Variants in MCHR2 observed in about 807,000 individuals in gnomAD.
MCHR2 encodes melanin-concentrating hormone receptor 2.
Under a neutral mutation model 24.8 loss-of-function variants are expected in MCHR2, and 15 were observed. The observed-to-expected ratio is 0.60, with a 90% CI of 0.40 to 0.93. MCHR2 has a LOEUF of 0.93. MCHR2 is among the 40% of genes least tolerant of loss of function. The pLI is 0.00. For missense variants in MCHR2, 386 were observed against 408.7 expected (o/e 0.94, Z 0.48); for synonymous variants, 151 against 147.6 (o/e 1.02, Z -0.17).
At chr6:99,937,340 A>C (rs1260615713) in intron 4 of MCHR2, among the ~76,000 whole-genome samples, 1 of 151,886 alleles carries the variant, frequency 6.6e-6, no homozygotes, top group Non-Finnish European at 1.5e-5. Context: ...ATTAGCTGTA[A>C]GTATGTCATG....
At chr6:99,935,877 G>A (rs2114508809) in intron 4 of MCHR2, among the ~76,000 whole-genome samples, 1 of 151,386 alleles carries the variant, frequency 6.6e-6, no homozygotes, top group African/African-American at 2.4e-5. Context: ...CTGTTTTTTT[G>A]GTAAAAGCTA....
intron 1 of MCHR2, among the ~76,000 whole-genome samples, chr6:99,976,779 G>A (rs1000282309): frequency 6.6e-6 from 1 of 152,230 alleles, no homozygotes; most frequent in African/African-American, 2.4e-5. Flanking sequence ...CATAGGGACT[G>A]CCTAAGCCTT....
intron 4 of MCHR2, among the ~76,000 whole-genome samples, chr6:99,939,503 G>A (rs1368303856): frequency 6.6e-6 from 1 of 151,940 alleles, no homozygotes; most frequent in East Asian, 1.9e-4. Flanking sequence ...AGTTGTCTCA[G>A]TTTACGTATT....
intron 1 of MCHR2, among the ~76,000 whole-genome samples, chr6:99,959,464 C>A (rs1326026729): frequency 6.6e-6 from 1 of 150,796 alleles, no homozygotes; most frequent in Non-Finnish European, 1.5e-5. Context: ...TGCAAAGTTA[C>A]AAGGAAAACA....
At chr6:99,976,563 G>A (rs1775555473) in intron 1 of MCHR2, among the ~76,000 whole-genome samples, 1 of 152,182 alleles carries the variant, frequency 6.6e-6, no homozygotes, top group Non-Finnish European at 1.5e-5. Flanking sequence ...TATGGCTTTG[G>A]TCAAGCTACT....
At chr6:99,945,132 C>A (rs940452762) in intron 3 of MCHR2, among the ~76,000 whole-genome samples, 2 of 152,156 alleles carry the variant, frequency 1.3e-5, no homozygotes, top group Non-Finnish European at 2.9e-5. Flanking sequence ...TATACAATTA[C>A]TTGTGGGACT....
rs187650383 is a variant in MCHR2, at chr6:99,926,880, C to T, written c.708-5625G>A. On this transcript the variant is annotated intron_variant, in intron 5 of 5. Transcript: ENST00000281806. The stretch of plus-strand genomic sequence containing the variant: ...TCAATTTTGGCTTTTGTTGCCATTG[C>T]TTTTGGTGTTTTAGACATGAAGTCC... Among the ~76,000 whole-genome samples the T allele has an allele frequency of 8.4e-3, 1,275 of 152,216 alleles. 15 individuals are homozygous for T. The highest frequency in any genetic ancestry group is 0.029 in the African/African-American group (1,203 of 41,516).
chr6:99,956,214 C>A (rs1319910922), intron 1 of MCHR2, 40 bp from the exon 2 acceptor site: 2 of 1,334,112 alleles, frequency 1.5e-6, no homozygotes, highest in Admixed American at 2.3e-5. Context: ...GTGAACATTC[C>A]CTCAATATAA....
chr6:99,956,482 G>A (rs967245406), intron 1 of MCHR2, among the ~76,000 whole-genome samples: 2 of 152,078 alleles, frequency 1.3e-5, no homozygotes, highest in Non-Finnish European at 2.9e-5. Flanking sequence ...GGTCCTGGTT[G>A]TTTACAGATC....
chr6:99,964,905 T>G (rs1213783361), intron 1 of MCHR2, among the ~76,000 whole-genome samples: 8 of 152,128 alleles, frequency 5.3e-5, no homozygotes, highest in Admixed American at 4.6e-4. Flanking sequence ...ATATGTATGA[T>G]TCCATTTTTA....
intron 1 of MCHR2, among the ~76,000 whole-genome samples, chr6:99,973,848 G>C (rs749507890): frequency 6.6e-6 from 1 of 152,092 alleles, no homozygotes; most frequent in Non-Finnish European, 1.5e-5. Flanking sequence ...ATGAAATTCT[G>C]GGTTGAAAAT....
intron 4 of MCHR2, among the ~76,000 whole-genome samples, chr6:99,935,392 T>G (rs1293579095): frequency 6.6e-6 from 1 of 151,990 alleles, no homozygotes; most frequent in Non-Finnish European, 1.5e-5. Context: ...TGGCCTCTGG[T>G]AACCACCAAT....
chr6:99,947,481 T>C (rs1424259310), intron 3 of MCHR2, among the ~76,000 whole-genome samples: 1 of 152,182 alleles, frequency 6.6e-6, no homozygotes, highest in Non-Finnish European at 1.5e-5. Flanking sequence ...TTTCTAATAT[T>C]TCCTGGTTTT....
chr6:99,974,791 G>A (rs1186510836), intron 1 of MCHR2, among the ~76,000 whole-genome samples: 1 of 152,210 alleles, frequency 6.6e-6, no homozygotes. Context: ...ACCCTCAGCT[G>A]CAAGTCTGTT....
intron 1 of MCHR2, among the ~76,000 whole-genome samples, chr6:99,973,033 T>C (rs1238115368): frequency 6.6e-6 from 1 of 152,176 alleles, no homozygotes. Context: ...AAAAAATGTA[T>C]ATTCTATTGA....
chr6:99,962,696 C>A (rs1335407702), intron 1 of MCHR2, among the ~76,000 whole-genome samples: 1 of 152,050 alleles, frequency 6.6e-6, no homozygotes, highest in Non-Finnish European at 1.5e-5. Flanking sequence ...ACAATGATTT[C>A]TTGGATATGA....
At chr6:99,975,754 A>C (rs1775537435) in intron 1 of MCHR2, among the ~76,000 whole-genome samples, 1 of 152,244 alleles carries the variant, frequency 6.6e-6, no homozygotes. Flanking sequence ...CATACTCACT[A>C]CTTCATTTCT....
intron 4 of MCHR2, among the ~76,000 whole-genome samples, chr6:99,942,569 T>C (rs947269497): frequency 3.3e-5 from 5 of 152,072 alleles, no homozygotes; most frequent in African/African-American, 1.2e-4. Flanking sequence ...CTTGAACATG[T>C]CTTTATAGGG....
chr6:99,965,568 C>A (rs1167635587), intron 1 of MCHR2, among the ~76,000 whole-genome samples: 3 of 151,920 alleles, frequency 2.0e-5, no homozygotes, highest in Non-Finnish European at 2.9e-5. Flanking sequence ...ATTGTTTAGA[C>A]AATGAAATAC....
Sources: gnomAD v4.1 joint callset for allele counts (sites outside exome capture counted in the v4.1 genomes callset) on GRCh38, gnomAD v4.1.1 for gene constraint, MANE v1.5 for transcripts, NCBI Gene and HGNC (gene_info 2026-07-23, HGNC 2026-07-21) for gene names.